ZNF407: variants seen among roughly 807,000 people sequenced by gnomAD.
ZNF407 encodes zinc finger protein 407.
A neutral mutation model predicts 131.2 loss-of-function variants in ZNF407; 17 were observed. The observed-to-expected ratio is 0.13, with a 90% CI of 0.09 to 0.19. The LOEUF (loss-of-function observed/expected upper bound fraction) is 0.19. ZNF407 is among the 10% of genes least tolerant of loss of function. ZNF407 has a pLI of 1.00. For synonymous variants in ZNF407, 1,156 were observed against 1,062.0 expected, an observed-to-expected ratio of 1.09 and a Z score of -1.72; for missense variants, 2,681 against 2,830.6, an observed-to-expected ratio of 0.95 and a Z score of 1.20.
At chr18:74,988,045 A>G (rs1568293142) in intron 8 of ZNF407, among the ~76,000 whole-genome samples, 1 of 152,238 alleles carries the variant, frequency 6.6e-6, no homozygotes, top group African/African-American at 2.4e-5. Context: ...GGATTCCAAT[A>G]CCTACTCTAA....
intron 6 of ZNF407, among the ~76,000 whole-genome samples, chr18:74,885,187 A>T (rs1451528452): frequency 6.6e-6 from 1 of 152,188 alleles, no homozygotes; most frequent in East Asian, 1.9e-4. Context: ...TCTTGGGGGT[A>T]TAATGATGGC....
chr18:74,818,335 GTTC>G (rs982363212), intron 4 of ZNF407, among the ~76,000 whole-genome samples: 61 of 152,252 alleles, frequency 4.0e-4, no homozygotes, highest in African/African-American at 1.3e-3. Context: ...AAAATGAGTT[GTTC>G]TTCTATTCTG....
chr18:74,806,368 C>G (rs1182169940), intron 4 of ZNF407, among the ~76,000 whole-genome samples: 1 of 152,222 alleles, frequency 6.6e-6, no homozygotes, highest in Non-Finnish European at 1.5e-5. Context: ...ACCTGTCAAC[C>G]TGGTTGTAAT....
At chr18:75,042,800 C>T (rs1343314989) in intron 8 of ZNF407, among the ~76,000 whole-genome samples, 3 of 152,216 alleles carry the variant, frequency 2.0e-5, no homozygotes, top group African/African-American at 7.2e-5. Flanking sequence ...CAGCATGTCA[C>T]GTCAGTGGCA....
At chr18:74,874,835 C>T (rs949925127) in intron 4 of ZNF407, among the ~76,000 whole-genome samples, 8 of 152,144 alleles carry the variant, frequency 5.3e-5, no homozygotes, top group Non-Finnish European at 1.0e-4. Flanking sequence ...CTCCTCTCTT[C>T]GTTTGATTTC....
At chr18:74,778,209 C>G (rs776990984) in intron 3 of ZNF407, among the ~76,000 whole-genome samples, 1 of 152,134 alleles carries the variant, frequency 6.6e-6, no homozygotes, top group Non-Finnish European at 1.5e-5. Context: ...TGTCCTCCTC[C>G]TCACTTACCA....
chr18:74,639,809 T>C (rs908934974), intron 2 of ZNF407, among the ~76,000 whole-genome samples: 3 of 152,160 alleles, frequency 2.0e-5, no homozygotes, highest in African/African-American at 4.8e-5. Context: ...TTTTGGGAAT[T>C]AAATTGAAAT....
At chr18:75,034,300 G>GTT (rs71170337) in intron 8 of ZNF407, among the ~76,000 whole-genome samples, 1,355 of 115,190 alleles carry the variant, frequency 0.012, 18 homozygotes, top group Non-Finnish European at 0.015. Context: ...TCTGTGTTGG[G>GTT]TTTTTTTTTT....
chr18:74,963,983 G>C (rs1029768037), intron 8 of ZNF407, among the ~76,000 whole-genome samples: 51 of 152,200 alleles, frequency 3.4e-4, no homozygotes, highest in African/African-American at 1.2e-3. Context: ...TTGACCTTGA[G>C]TGAATAGAAA....
At chr18:75,013,058 A>G (rs1284856665) in intron 8 of ZNF407, among the ~76,000 whole-genome samples, 1 of 151,828 alleles carries the variant, frequency 6.6e-6, no homozygotes, top group African/African-American at 2.4e-5. Flanking sequence ...CCTGATGCCC[A>G]TAGAGTTTGA....
intron 8 of ZNF407, among the ~76,000 whole-genome samples, chr18:74,931,672 G>T (rs1472143384): frequency 6.6e-6 from 1 of 151,946 alleles, no homozygotes; most frequent in African/African-American, 2.4e-5. Flanking sequence ...AAAAACTGTT[G>T]AACTATTTTT....
chr18:74,907,350 A>G (rs1299636227), intron 7 of ZNF407, among the ~76,000 whole-genome samples: 1 of 152,172 alleles, frequency 6.6e-6, no homozygotes, highest in Non-Finnish European at 1.5e-5. Flanking sequence ...GCTGGACATC[A>G]GACTCTGGGG....
chr18:75,004,617 C>T (rs369374759), intron 8 of ZNF407, among the ~76,000 whole-genome samples: 8 of 152,188 alleles, frequency 5.3e-5, no homozygotes, highest in African/African-American at 1.4e-4. Flanking sequence ...TCAGACCCAT[C>T]GTTGAGAACT....
Position 75,027,767 on chromosome 18 carries a change from G to A in ZNF407, c.5429-35383G>A, listed in dbSNP as rs932466686. 2.6e-5 allele frequency among the ~76,000 whole-genome samples: 4 copies of A among 152,164 alleles called. No homozygotes were observed. In the East Asian group the frequency reaches 5.8e-4, roughly 22 times the overall value. On this transcript the variant is annotated intron_variant, in intron 8 of 8. Coordinates refer to ENST00000299687, the MANE Select transcript of ZNF407 (RefSeq NM_017757.3). ...GAGGCTGGTGGCAGCACAGGAGTACGAGAAGGAGTGGCCAGTGAGACAGAA... is the reference window on the plus strand; with the variant it reads ...GAGGCTGGTGGCAGCACAGGAGTACAAGAAGGAGTGGCCAGTGAGACAGAA...
chr18:74,764,065 C>G (rs1244638910), intron 3 of ZNF407, among the ~76,000 whole-genome samples: 1 of 151,104 alleles, frequency 6.6e-6, no homozygotes, highest in African/African-American at 2.4e-5. Context: ...TTTTTTTAGA[C>G]TTTTGCTTTA....
chr18:75,026,598 T>C (rs1002185890), intron 8 of ZNF407, among the ~76,000 whole-genome samples: 5 of 152,240 alleles, frequency 3.3e-5, no homozygotes, highest in African/African-American at 4.8e-5. Context: ...AGTAACCCAT[T>C]GATCCAAGAT....
chr18:74,647,474 GA>G (rs1779719119), intron 3 of ZNF407, among the ~76,000 whole-genome samples: 1 of 152,076 alleles, frequency 6.6e-6, no homozygotes, highest in Non-Finnish European at 1.5e-5. Flanking sequence ...AGAGTCTCAG[GA>G]TTCTGTAACC....
chr18:74,734,881 A>C (rs190469757), intron 3 of ZNF407, among the ~76,000 whole-genome samples: 1 of 152,254 alleles, frequency 6.6e-6, no homozygotes, highest in African/African-American at 2.4e-5. Context: ...AGGATACCAT[A>C]AATTTTCTTT....
chr18:74,742,161 A>G (rs1599115408), intron 3 of ZNF407, among the ~76,000 whole-genome samples: 1 of 152,326 alleles, frequency 6.6e-6, no homozygotes, highest in African/African-American at 2.4e-5. Context: ...GAGAAGGAAG[A>G]TGGAAGACTT....
Sources: allele counts gnomAD v4.1 joint callset (sites outside exome capture counted in the v4.1 genomes callset), GRCh38; gene constraint gnomAD v4.1.1; transcripts MANE v1.5; gene names NCBI Gene and HGNC (gene_info 2026-07-23, HGNC 2026-07-21).